The following C17orf78 variants were observed in gnomAD, a reference collection of about 807,000 sequenced individuals.
C17orf78 encodes the protein chromosome 17 open reading frame 78.
In C17orf78, 27 loss-of-function variants were observed where a neutral mutation model predicts 31.8. That is an observed-to-expected ratio of 0.85 (90% confidence interval 0.63 to 1.17). The LOEUF is 1.17. C17orf78 is among the 50% of genes most tolerant of loss of function. The probability of loss-of-function intolerance (pLI) is 0.00; values close to 1 mark genes in which losing one functional copy is unlikely to be tolerated. For missense variants in C17orf78, 258 were observed against 315.2 expected (o/e 0.82, Z 1.37); for synonymous variants, 106 against 115.1 (o/e 0.92, Z 0.51).
intron 4 of C17orf78, among the ~76,000 whole-genome samples, chr17:37,388,084 G>A (rs1423952334): frequency 6.6e-6 from 1 of 152,106 alleles, no homozygotes; most frequent in Non-Finnish European, 1.5e-5. Context: ...AGGATGGTTT[G>A]AGCCTGGGAG....
chr17:37,390,175 T>TATATATATATACACACAC (rs60788220), intron 6 of C17orf78, among the ~76,000 whole-genome samples: 18 of 44,502 alleles, frequency 4.0e-4, no homozygotes, highest in African/African-American at 7.0e-4. Flanking sequence ...TATATATATA[T>TATATATATATACACACAC]ACACACACAC....
intron 1 of C17orf78, among the ~76,000 whole-genome samples, chr17:37,377,660 A>C (rs2050061226): frequency 4.7e-5 from 1 of 21,090 alleles, no homozygotes; most frequent in African/African-American, 3.0e-4. Context: ...ACTCCGTCTC[A>C]ATAAATAAAT....
rs367916049 is a variant in C17orf78, at chr17:37,379,207, C to A, written c.216C>A (p.Gly72=). 6.8e-6 allele frequency: 11 copies of A among 1,613,914 alleles called. No homozygotes were observed. In the African/African-American group the frequency reaches 1.3e-4, roughly 20 times the overall value. Residue 72 remains glycine, a synonymous_variant, in exon 3 of 7, where the codon GGC becomes GGA. Coordinates refer to ENST00000615133, the MANE Select transcript of C17orf78 (RefSeq NM_173625.5). The part of the protein sequence containing the change: ...NRTIATLQCL[G]SDSKVKVNLV... Reference sequence around the variant, plus strand: ...CTATAGCTACCCTGCAGTGCCTTGGCTCTGACAGCAAAGTAAAAGTCAACC... The same window carrying A: ...CTATAGCTACCCTGCAGTGCCTTGGATCTGACAGCAAAGTAAAAGTCAACC...
intron 1 of C17orf78, among the ~76,000 whole-genome samples, chr17:37,377,572 A>G (rs1407381517): frequency 6.6e-6 from 1 of 152,056 alleles, no homozygotes; most frequent in Admixed American, 6.6e-5. Flanking sequence ...AGGCAGAAGA[A>G]TCCCTTGAAC....
At chr17:37,383,833 G>A (rs746512147) in intron 3 of C17orf78, among the ~76,000 whole-genome samples, 2 of 152,170 alleles carry the variant, frequency 1.3e-5, no homozygotes, top group African/African-American at 2.4e-5. Context: ...TTATAGGCGT[G>A]AGCCACCTCA....
Position 37,379,323 on chromosome 17 carries a change from C to G in C17orf78, c.332C>G (p.Ser111Ter), listed in dbSNP as rs1286756608. ...CCCCGCAGAAACAGCTCTGCCTCCTCAAGCTGTCACCTAATCCCCACATCC... is the reference window on the plus strand; with the variant it reads ...CCCCGCAGAAACAGCTCTGCCTCCTGAAGCTGTCACCTAATCCCCACATCC... ...AAPRRNSSAS[S>*]SCHLIPTSKF... Residue 111 changes from serine (S) to a stop codon, truncating the protein, a stop_gained, in exon 3 of 7, where the codon TCA becomes TGA. Coordinates refer to ENST00000615133, the MANE Select transcript of C17orf78 (RefSeq NM_173625.5). LOFTEE classifies it high-confidence loss of function. 1 of 1,613,830 alleles carries G rather than the reference C, an allele frequency of 6.2e-7. No individual in the cohort carries two copies. Among genetic ancestry groups the G allele is most frequent in the African/African-American group, 1.3e-5 (1 of 74,922 alleles).
In C17orf78 at chr17:37,383,719, T is replaced by A. The variant is rs536820393; in HGVS notation, c.392-2290T>A. ...CACCATGCCCAGCTAATTTTTTGTA[T>A]TTTTAGTAGAGATAGGGTTTTGCCA... On this transcript the variant is annotated intron_variant, in intron 3 of 6. Transcript: ENST00000615133. Among the ~76,000 whole-genome samples, 24 of 152,278 alleles carry A rather than the reference T, an allele frequency of 1.6e-4. 1 individual carries two copies. Among genetic ancestry groups the A allele is most frequent in the African/African-American group, 5.3e-4 (22 of 41,572 alleles).
At chr17:37,378,860 G>A (rs552879845) in intron 2 of C17orf78, among the ~76,000 whole-genome samples, 14 of 152,216 alleles carry the variant, frequency 9.2e-5, no homozygotes, top group South Asian at 4.1e-4. Context: ...CCAGGAGTTC[G>A]AGACCAGCTT....
At chr17:37,378,043 C>A in intron 2 of C17orf78, 78 bp downstream of exon 2, 1 of 1,291,488 alleles carries the variant, frequency 7.7e-7, no homozygotes, top group Non-Finnish European at 1.1e-6. Flanking sequence ...CTCATCTTCC[C>A]ACTTCCTAGC....
In C17orf78 at chr17:37,391,656, G is replaced by A; in HGVS notation, c.760G>A (p.Asp254Asn). 2.5e-6 allele frequency: 4 copies of A among 1,613,746 alleles called. No individual in the cohort carries two copies. The highest frequency in any genetic ancestry group is 3.4e-6 in the Non-Finnish European group (4 of 1,179,764). Reference sequence around the variant, plus strand: ...TCCTTTCAATCTCTAGGTTGGACAAGATGCTGCCAATTCATCAAACCCAAA... The same window carrying A: ...TCCTTTCAATCTCTAGGTTGGACAAAATGCTGCCAATTCATCAAACCCAAA... ...PDSQPQKVGQ[D>N]AANSSNPKKA... The change falls in exon 7 of 7, where the codon GAT (aspartate) becomes AAT (asparagine). Residue 254 changes from aspartate to asparagine, a missense_variant. Transcript: ENST00000615133.
At chr17:37,383,609 G>A (rs1179017743) in intron 3 of C17orf78, among the ~76,000 whole-genome samples, 1 of 152,210 alleles carries the variant, frequency 6.6e-6, no homozygotes, top group Non-Finnish European at 1.5e-5. Context: ...GTACAGTGGT[G>A]CAACCTCAGC....
rs1435315385 is a variant in C17orf78 at position 37,379,424 on chromosome 17, G to T, written c.391+42G>T. 7 of 1,590,258 alleles carry T rather than the reference G, an allele frequency of 4.4e-6. No homozygotes were observed. The Middle Eastern group carries it at 5.0e-4, about 114-fold the overall frequency. ...GGAAGGGGGCAGGCACTAACTTTTA[G>T]TTGACATCCTTGAAGGCAGCCAGAA... On this transcript the variant is annotated intron_variant, in intron 3 of 6. Coordinates refer to ENST00000615133, the MANE Select transcript of C17orf78 (RefSeq NM_173625.5).
chr17:37,375,995 T>G lies in C17orf78; in HGVS notation c.-98T>G. On this transcript the variant is annotated 5_prime_UTR_variant, in exon 1 of 7. Transcript: ENST00000615133. ...AGAGTCTCTCAGGGTCAAACTTGGT[T>G]CCAGCTGCGTGTGGTGAAAGCAACT... 9.6e-7 allele frequency: 1 copy of G among 1,040,684 alleles called. No individual in the cohort carries two copies. The highest frequency in any genetic ancestry group is 2.2e-4 in the Middle Eastern group (1 of 4,530). The allele number at this position is 1,040,684 out of a possible 1,614,324, so 64.5% of individuals were successfully genotyped here.
At chr17:37,385,191 G>T (rs1392021793) in intron 3 of C17orf78, among the ~76,000 whole-genome samples, 2 of 152,164 alleles carry the variant, frequency 1.3e-5, no homozygotes, top group African/African-American at 4.8e-5. Context: ...GCAAGGCCAG[G>T]CTGGGCACAG....
rs2050661189 is a variant in C17orf78 at position 37,388,730 on chromosome 17, C to T, written c.569C>T (p.Ala190Val). 2.5e-6 allele frequency: 4 copies of T among 1,611,990 alleles called. No homozygotes were observed. Among genetic ancestry groups the T allele is most frequent in the Non-Finnish European group, 3.4e-6 (4 of 1,178,566 alleles). The part of the protein sequence containing the change: ...KWSIVVKILI[A>V]VTLLLSGVAI... ...AGTATTGTGGTCAAAATTCTGATTG[C>T]TGTCACCCTGTTGCTCAGTGGAGTT... is the stretch of plus-strand genomic sequence containing the variant. Residue 190 changes from alanine to valine, a missense_variant, in exon 5 of 7, where the codon GCT (alanine) becomes GTT (valine). By Grantham distance (64) the Ala-to-Val change is moderately conservative. Transcript: ENST00000615133.
At chr17:37,383,592 G>C (rs1308101043) in intron 3 of C17orf78, among the ~76,000 whole-genome samples, 3 of 152,234 alleles carry the variant, frequency 2.0e-5, no homozygotes, top group African/African-American at 7.2e-5. Flanking sequence ...TTGTCCCCCA[G>C]GATGGGGTAC....
intron 3 of C17orf78, among the ~76,000 whole-genome samples, chr17:37,383,699 T>C (rs1404015141): frequency 6.6e-6 from 1 of 152,150 alleles, no homozygotes; most frequent in African/African-American, 2.4e-5. Flanking sequence ...AGCACCACCA[T>C]GCCCAGCTAA....
At chr17:37,386,268 A>G (rs578227680) in intron 4 of C17orf78, 143 bp downstream of exon 4, 220 of 601,814 alleles carry the variant, frequency 3.7e-4, no homozygotes, top group Non-Finnish European at 6.0e-4. Flanking sequence ...ATGTACATTG[A>G]AAAATCATTC....
chr17:37,385,462 G>T (rs1279928092), intron 3 of C17orf78, among the ~76,000 whole-genome samples: 1 of 151,894 alleles, frequency 6.6e-6, no homozygotes, highest in Non-Finnish European at 1.5e-5. Context: ...GACAGAGGGG[G>T]ACCCTGTCTT....
Sources: allele counts gnomAD v4.1 joint callset (sites outside exome capture counted in the v4.1 genomes callset), GRCh38; gene constraint gnomAD v4.1.1; transcripts MANE v1.5; gene names NCBI Gene and HGNC (gene_info 2026-07-23, HGNC 2026-07-21).